Variants in RBFOX3 observed in about 807,000 individuals in gnomAD.
RBFOX3 encodes RNA binding fox-1 homolog 3.
A neutral mutation model predicts 48.7 loss-of-function variants in RBFOX3; 17 were observed. The ratio of observed to expected loss-of-function variants is 0.35; its 90% CI spans 0.24 to 0.52. The LOEUF is 0.52. RBFOX3 is among the 20% of genes least tolerant of loss of function. The pLI, the probability that RBFOX3 is intolerant of heterozygous loss-of-function variation, is 0.94. For missense variants in RBFOX3, 382 were observed against 497.5 expected (o/e 0.77, Z 2.21); for synonymous variants, 212 against 209.5 (o/e 1.01, Z -0.10).
chr17:79,508,183 G>A (rs2083453264), intron 1 of RBFOX3, among the ~76,000 whole-genome samples: 1 of 152,230 alleles, frequency 6.6e-6, no homozygotes, highest in African/African-American at 2.4e-5. Flanking sequence ...TGCGCTCGCT[G>A]GCCTTCTAGA....
chr17:79,656,285 C>T, the RBFOX3 span, among the ~76,000 whole-genome samples: 1 of 152,334 alleles, frequency 6.6e-6, no homozygotes, highest in Non-Finnish European at 1.5e-5. Context: ...ATTGACAATG[C>T]ACACATTAAT....
intron 2 of RBFOX3, among the ~76,000 whole-genome samples, chr17:79,343,984 T>G (rs1220230646): frequency 6.6e-6 from 1 of 152,174 alleles, no homozygotes; most frequent in African/African-American, 2.4e-5. Context: ...CCCACTCAAG[T>G]GGGTATGAGA....
intron 4 of RBFOX3, among the ~76,000 whole-genome samples, chr17:79,201,805 C>A (rs576537357): frequency 6.6e-6 from 1 of 152,202 alleles, no homozygotes; most frequent in Non-Finnish European, 1.5e-5. Flanking sequence ...CTCCTCCACA[C>A]TTCCCTGACT....
chr17:79,596,750 C>T (rs1005161316), intron 1 of RBFOX3, among the ~76,000 whole-genome samples: 2 of 152,082 alleles, frequency 1.3e-5, no homozygotes, highest in African/African-American at 2.4e-5. Context: ...TGATTTTTTG[C>T]TTTTCCTTCT....
At chr17:79,658,686 C>G in the RBFOX3 span, among the ~76,000 whole-genome samples, 2 of 152,108 alleles carry the variant, frequency 1.3e-5, no homozygotes, top group Admixed American at 6.5e-5. Context: ...AGGCCAGTAT[C>G]TCTGCCTCCA....
intron 2 of RBFOX3, among the ~76,000 whole-genome samples, chr17:79,452,190 G>A (rs564592325): frequency 1.0e-3 from 158 of 152,330 alleles, no homozygotes; most frequent in African/African-American, 3.6e-3. Flanking sequence ...AACATGGGAT[G>A]TTTGAGGAGG....
In RBFOX3 at chr17:79,480,216, G is replaced by A. The variant is rs993992618; in HGVS notation, c.-175+2238C>T. Among the ~76,000 whole-genome samples the A allele has an allele frequency of 6.6e-6, 1 of 152,226 alleles. No homozygotes were observed. The highest frequency in any genetic ancestry group is 2.4e-5 in the African/African-American group (1 of 41,550). ...TGTGGCCTTCCTATCTGGGCTCCCC[G>A]AGGGGGCCCCTGATGGTTTACGGAA... is the stretch of plus-strand genomic sequence containing the variant. On this transcript the variant is annotated intron_variant, in intron 2 of 14. Transcript: ENST00000693108. This position sits in a 1 kb window ranked among gnomAD's most constrained non-coding sequence, Gnocchi z 4.8.
At chr17:79,117,361 C>T (rs1042711686) in intron 4 of RBFOX3, among the ~76,000 whole-genome samples, 1 of 152,186 alleles carries the variant, frequency 6.6e-6, no homozygotes, top group Non-Finnish European at 1.5e-5. Flanking sequence ...GAGGAGCGCC[C>T]AGCAGGGAAG....
chr17:79,177,457 T>C (rs932914789), intron 4 of RBFOX3, among the ~76,000 whole-genome samples: 90 of 152,298 alleles, frequency 5.9e-4, no homozygotes, highest in African/African-American at 2.1e-3. Flanking sequence ...GCACATTCAT[T>C]GCATGGCTGC....
At chr17:79,553,972 A>C (rs966937180) in intron 1 of RBFOX3, among the ~76,000 whole-genome samples, 1 of 152,100 alleles carries the variant, frequency 6.6e-6, no homozygotes, top group African/African-American at 2.4e-5. Context: ...AACCTCAGGC[A>C]ATCCACCCGC....
At chr17:79,512,962 G>A (rs1318856736) in intron 1 of RBFOX3, among the ~76,000 whole-genome samples, 2 of 147,206 alleles carry the variant, frequency 1.4e-5, no homozygotes, top group African/African-American at 5.2e-5. Context: ...ATGGCCAGGG[G>A]ACACCCACCC....
At chr17:79,323,748 G>A (rs965029701) in intron 2 of RBFOX3, among the ~76,000 whole-genome samples, 6 of 152,262 alleles carry the variant, frequency 3.9e-5, no homozygotes, top group Non-Finnish European at 7.3e-5. Flanking sequence ...GAGAGCTGGC[G>A]AGAGAGGCAT....
intron 2 of RBFOX3, among the ~76,000 whole-genome samples, chr17:79,457,519 G>C (rs947518263): frequency 6.6e-6 from 1 of 152,170 alleles, no homozygotes; most frequent in Non-Finnish European, 1.5e-5. Flanking sequence ...ACATCCCAGC[G>C]GCTCTTCCTG....
At chr17:79,509,026 G>A (rs34195330) in intron 1 of RBFOX3, among the ~76,000 whole-genome samples, 41,729 of 152,128 alleles carry the variant, frequency 0.27, 7,147 homozygotes, top group Non-Finnish European at 0.37. Context: ...CGGGCCCCCC[G>A]AAGGCTGACG....
intron 4 of RBFOX3, among the ~76,000 whole-genome samples, chr17:79,203,720 C>G (rs2057117954): frequency 6.6e-6 from 1 of 152,008 alleles, no homozygotes; most frequent in African/African-American, 2.4e-5. Flanking sequence ...AGCTAGCTGA[C>G]TGTCAACACA....
intron 1 of RBFOX3, among the ~76,000 whole-genome samples, chr17:79,573,544 C>T (rs909287601): frequency 1.1e-4 from 17 of 152,198 alleles, no homozygotes; most frequent in Non-Finnish European, 2.1e-4. Context: ...AGGCTTTCAC[C>T]CTGACTTCCC....
the RBFOX3 span, among the ~76,000 whole-genome samples, chr17:79,665,520 A>G: frequency 6.6e-6 from 1 of 151,662 alleles, no homozygotes; most frequent in African/African-American, 2.4e-5. Context: ...TTGCCCAAGT[A>G]TAAGTGGGGC....
chr17:79,401,205 G>GGGGCTCC (rs1259371026), intron 2 of RBFOX3, among the ~76,000 whole-genome samples: 1 of 152,174 alleles, frequency 6.6e-6, no homozygotes, highest in Non-Finnish European at 1.5e-5. Context: ...TAAGAACTTC[G>GGGGCTCC]GGGCTCCGCG....
chr17:79,616,853 C>T, the RBFOX3 span, among the ~76,000 whole-genome samples: 1 of 152,196 alleles, frequency 6.6e-6, no homozygotes. Flanking sequence ...GGGTTGTGCA[C>T]CTGTCCGGGC....
Sources: gnomAD v4.1 joint callset for allele counts (sites outside exome capture counted in the v4.1 genomes callset) on GRCh38, gnomAD v4.1.1 for gene constraint, Gnocchi (gnomAD v3.1) non-coding constraint, MANE v1.5 for transcripts, NCBI Gene and HGNC (gene_info 2026-07-23, HGNC 2026-07-21) for gene names.